Variants in TYW1 observed in about 807,000 individuals in gnomAD.
TYW1 encodes tRNA-yW synthesizing protein 1 homolog.
A neutral mutation model predicts 96.2 loss-of-function variants in TYW1; 46 were observed. The observed-to-expected ratio is 0.48, with a 90% confidence interval of 0.38 to 0.61. The LOEUF (loss-of-function observed/expected upper bound fraction) is 0.61, where lower values mean the gene tolerates loss of function less well. Among genes scored for constraint, TYW1 ranks in the 20% least tolerant of loss-of-function variants. The probability of loss-of-function intolerance (pLI) is 0.00; values close to 1 mark genes in which losing one functional copy is unlikely to be tolerated. For missense variants in TYW1, 684 were observed against 909.6 expected, an observed-to-expected ratio of 0.75 and a Z score of 3.19; for synonymous variants, 274 against 323.0, an observed-to-expected ratio of 0.85 and a Z score of 1.63.
At chr7:67,009,520 G>T in intron 3 of TYW1, 63 bp from the exon 4 acceptor site, 1 of 1,417,138 alleles carries the variant, frequency 7.1e-7, no homozygotes, top group Non-Finnish European at 9.8e-7. Context: ...TGCCAACAGG[G>T]GTAATGAGGG....
chr7:67,076,682 G>A (rs886966025), intron 10 of TYW1, among the ~76,000 whole-genome samples: 2 of 151,828 alleles, frequency 1.3e-5, no homozygotes, highest in Non-Finnish European at 2.9e-5. Context: ...TGCCAAGTTG[G>A]CCAGACTGAT....
chr7:67,022,546 G>A (rs1794311353), intron 6 of TYW1, among the ~76,000 whole-genome samples: 1 of 152,190 alleles, frequency 6.6e-6, no homozygotes, highest in Admixed American at 6.6e-5. Flanking sequence ...GAGTGCATCA[G>A]GAGATCCTAA....
intron 5 of TYW1, among the ~76,000 whole-genome samples, chr7:67,016,436 A>G (rs12538152): frequency 0.04 from 6,077 of 151,706 alleles, 185 homozygotes; most frequent in Middle Eastern, 0.11. Flanking sequence ...AGTCCCAACT[A>G]CTTGGGAGGC....
At chr7:67,121,139 A>G (rs1209711742) in intron 13 of TYW1, among the ~76,000 whole-genome samples, 2 of 81,332 alleles carry the variant, frequency 2.5e-5, no homozygotes, top group Non-Finnish European at 5.0e-5. Flanking sequence ...GTCTGATCTT[A>G]TAAGACATAG....
At chr7:67,096,244 G>T (rs1391072553) in intron 11 of TYW1, among the ~76,000 whole-genome samples, 1 of 152,080 alleles carries the variant, frequency 6.6e-6, no homozygotes, top group African/African-American at 2.4e-5. Flanking sequence ...AAAAAAATTA[G>T]CCGGGCATGG....
chr7:67,006,948 CTTTTTTTTTTTTTTT>C (rs34475001), intron 3 of TYW1, among the ~76,000 whole-genome samples: 3 of 45,118 alleles, frequency 6.6e-5, no homozygotes, highest in Admixed American at 3.8e-4. Context: ...AGATGTGAGG[CTTTTTTTTTTTTTTT>C]TTTTTTTTTT....
rs1045153 is a variant in TYW1, at chr7:67,239,354, C to G, written c.*825C>G. 1.5e-5 allele frequency: 15 copies of G among 985,222 alleles called. No individual in the cohort carries two copies. Among genetic ancestry groups the G allele is most frequent in the Non-Finnish European group, 1.6e-5 (13 of 829,858 alleles). The allele number at this position is 985,222 out of a possible 1,614,324, so 61.0% of individuals were successfully genotyped here. ...CAGACGGCGGGTCTCCATCTTCTTT[C>G]ACTCCTGTGGCCCTGGCTGCTTTAC... On this transcript the variant is annotated 3_prime_UTR_variant, in exon 16 of 16. Transcript: ENST00000359626.
chr7:67,150,885 G>T, intron 13 of TYW1, among the ~76,000 whole-genome samples: 1 of 151,558 alleles, frequency 6.6e-6, no homozygotes, highest in African/African-American at 2.4e-5. Flanking sequence ...AAAACCTGTG[G>T]GTAAATTTTA....
rs1269125051 is a variant in TYW1 at position 67,232,569 on chromosome 7, A to T, written c.1978-5739A>T. ...AATAAATAAATAAAAATAATAATAA[A>T]AAATAAAGAGCACCCTAATGGTTTG... On this transcript the variant is annotated intron_variant, in intron 15 of 15. Coordinates refer to ENST00000359626, the MANE Select transcript of TYW1 (RefSeq NM_018264.4). Among the ~76,000 whole-genome samples the T allele has an allele frequency of 2.3e-5, 3 of 133,090 alleles. 1 individual carries two copies. Among genetic ancestry groups the T allele is most frequent in the East Asian group, 2.0e-4 (1 of 5,086 alleles). 87.3% of individuals were successfully genotyped at this position (133,090 alleles called of 152,430 possible).
At chr7:67,114,050 G>A (rs924860442) in intron 12 of TYW1, among the ~76,000 whole-genome samples, 2 of 152,154 alleles carry the variant, frequency 1.3e-5, no homozygotes, top group Admixed American at 6.5e-5. Flanking sequence ...TTATTGTGAG[G>A]ATTCAGTGAA....
chr7:67,051,817 G>A (rs1247301858), intron 8 of TYW1, among the ~76,000 whole-genome samples: 1 of 150,902 alleles, frequency 6.6e-6, no homozygotes, highest in Non-Finnish European at 1.5e-5. Flanking sequence ...GTTTGTTGGT[G>A]GTGAATTCTT....
At chr7:66,998,698 A>C (rs1793275999) in intron 2 of TYW1, 119 bp from the exon 3 acceptor site, 1 of 1,178,462 alleles carries the variant, frequency 8.5e-7, no homozygotes. Flanking sequence ...AGAGAAAAAT[A>C]CAGTGTGTCA....
chr7:67,149,776 C>CTATCTATCTATCTA (rs1563041677), intron 13 of TYW1, among the ~76,000 whole-genome samples: 12 of 55,596 alleles, frequency 2.2e-4, no homozygotes, highest in East Asian at 3.4e-4. Context: ...CTATCTATCT[C>CTATCTATCTATCTA]TCTATGTTAA....
chr7:67,200,418 G>A (rs1800554558), intron 15 of TYW1, among the ~76,000 whole-genome samples: 2 of 152,104 alleles, frequency 1.3e-5, no homozygotes, highest in Non-Finnish European at 2.9e-5. Flanking sequence ...ATGGTGGAAG[G>A]CACCTCTTAC....
At chr7:67,119,046 T>C (rs1235635270) in intron 13 of TYW1, among the ~76,000 whole-genome samples, 1 of 152,118 alleles carries the variant, frequency 6.6e-6, no homozygotes, top group Admixed American at 6.6e-5. Flanking sequence ...TCTTGTGTGT[T>C]TTCATATGGC....
intron 10 of TYW1, among the ~76,000 whole-genome samples, chr7:67,073,959 G>A (rs576004650): frequency 6.7e-6 from 1 of 150,244 alleles, no homozygotes; most frequent in Admixed American, 6.7e-5. Flanking sequence ...GCGGACGCCT[G>A]TAGTCCCAGC....
At chr7:67,131,163 C>T (rs67464137) in intron 13 of TYW1, among the ~76,000 whole-genome samples, 41,374 of 151,064 alleles carry the variant, frequency 0.27, 6,480 homozygotes, top group African/African-American at 0.43. Flanking sequence ...GATACTGGCT[C>T]TGCCACCTAT....
At chr7:67,074,790 A>G (rs1796153098) in intron 10 of TYW1, among the ~76,000 whole-genome samples, 1 of 152,068 alleles carries the variant, frequency 6.6e-6, no homozygotes, top group Admixed American at 6.5e-5. Flanking sequence ...GGGTTGCTGT[A>G]AGGCTTAATT....
At chr7:67,006,948 C>CTTTTTTTTTTT (rs34475001) in intron 3 of TYW1, among the ~76,000 whole-genome samples, 788 of 45,140 alleles carry the variant, frequency 0.017, 104 homozygotes, top group Non-Finnish European at 0.025. Flanking sequence ...AGATGTGAGG[C>CTTTTTTTTTTT]TTTTTTTTTT....
Sources: gnomAD v4.1 joint callset for allele counts (sites outside exome capture counted in the v4.1 genomes callset) on GRCh38, gnomAD v4.1.1 for gene constraint, MANE v1.5 for transcripts, NCBI Gene and HGNC (gene_info 2026-07-23, HGNC 2026-07-21) for gene names.